The following OCLN variants were observed in gnomAD, a reference collection of about 807,000 sequenced individuals.
The protein encoded by OCLN is phosphatase 1, regulatory subunit 115.
Under a neutral mutation model 47.9 loss-of-function variants are expected in OCLN, and 21 were observed. That is an observed-to-expected ratio of 0.44 (90% CI 0.31 to 0.63). The LOEUF (loss-of-function observed/expected upper bound fraction) is 0.63, where lower values mean the gene tolerates loss of function less well. Among genes scored for constraint, OCLN ranks in the 30% least tolerant of loss-of-function variants. The pLI, the probability that OCLN is intolerant of heterozygous loss-of-function variation, is 0.08. For missense variants in OCLN, 360 were observed against 571.0 expected (o/e 0.63, Z 3.77); for synonymous variants, 117 against 198.4 (o/e 0.59, Z 3.45).
At chr5:69,496,901 T>TAA (rs1378652406) in intron 1 of OCLN, among the ~76,000 whole-genome samples, 1 of 152,242 alleles carries the variant, frequency 6.6e-6, no homozygotes, top group East Asian at 1.9e-4. Context: ...CTTCTGTCCT[T>TAA]GTCACTCTCC....
At chr5:69,510,525 C>A (rs1768750407) in intron 3 of OCLN, among the ~76,000 whole-genome samples, 1 of 151,520 alleles carries the variant, frequency 6.6e-6, no homozygotes, top group South Asian at 2.1e-4. Context: ...ACTAAAAATA[C>A]AAAAAAAATT....
chr5:69,530,488 C>G (rs1270801284), intron 4 of OCLN: 1 of 151,980 alleles, frequency 6.6e-6, no homozygotes, highest in Non-Finnish European at 1.5e-5. Flanking sequence ...AATATTTTAG[C>G]CTTTTTTCAG....
Position 69,554,455 on chromosome 5 carries a change from A to G in OCLN, c.*784A>G, listed in dbSNP as rs1316868974. ...AAAACCAACTAGAACTTTTCATTAT[A>G]TCAGAATATCTGATTACATTTATAA... On this transcript the variant is annotated 3_prime_UTR_variant, in exon 9 of 9. Transcript: ENST00000396442. The G allele has an allele frequency of 6.6e-6, 1 of 152,108 alleles. No homozygotes were observed. The highest frequency in any genetic ancestry group is 1.5e-5 in the Non-Finnish European group (1 of 68,024). The allele number at this position is 152,108 out of a possible 1,614,324, so 9.4% of individuals were successfully genotyped here.
At chr5:69,526,369 A>T (rs1488321626) in intron 4 of OCLN, among the ~76,000 whole-genome samples, 1 of 152,244 alleles carries the variant, frequency 6.6e-6, no homozygotes, top group Non-Finnish European at 1.5e-5. Context: ...GGGGATCTGG[A>T]ACTGCAGATG....
chr5:69,498,214 C>T (rs184770629), intron 1 of OCLN, among the ~76,000 whole-genome samples: 91 of 152,260 alleles, frequency 6.0e-4, no homozygotes, highest in African/African-American at 2.2e-3. Context: ...CAGTTTATGG[C>T]TGGGCATGGT....
At chr5:69,509,111 A>G (rs202196960) in intron 2 of OCLN, 30 bp from the exon 3 acceptor site, 8 of 1,594,548 alleles carry the variant, frequency 5.0e-6, no homozygotes, top group Middle Eastern at 3.3e-4. Context: ...AAAAAATGCT[A>G]ACTTGAAATT....
At chr5:69,494,472 C>T (rs1768236303) in intron 1 of OCLN, among the ~76,000 whole-genome samples, 1 of 152,236 alleles carries the variant, frequency 6.6e-6, no homozygotes, top group African/African-American at 2.4e-5. Context: ...AGGCGTAAGC[C>T]ACCACACCCA....
intron 5 of OCLN, among the ~76,000 whole-genome samples, chr5:69,535,852 C>G (rs184083540): frequency 6.6e-6 from 1 of 152,116 alleles, no homozygotes; most frequent in Non-Finnish European, 1.5e-5. Flanking sequence ...TTGGCGGGGG[C>G]GGTGGCTCAC....
At chr5:69,508,745 C>A (rs1026243008) in intron 2 of OCLN, among the ~76,000 whole-genome samples, 5 of 152,154 alleles carry the variant, frequency 3.3e-5, no homozygotes, top group African/African-American at 1.2e-4. Flanking sequence ...ATTACAGTTA[C>A]CCATTCCACT....
chr5:69,512,595 G>A (rs189827182), intron 3 of OCLN, among the ~76,000 whole-genome samples: 196 of 152,286 alleles, frequency 1.3e-3, no homozygotes, highest in Admixed American at 4.9e-3. Flanking sequence ...ATGCCAGCTA[G>A]GATTTTGAAG....
chr5:69,519,602 T>G (rs1358217614), intron 4 of OCLN, among the ~76,000 whole-genome samples: 2 of 152,250 alleles, frequency 1.3e-5, no homozygotes, highest in Non-Finnish European at 2.9e-5. Context: ...AAGATTTGTT[T>G]AATTAAACTT....
intron 1 of OCLN, among the ~76,000 whole-genome samples, chr5:69,498,343 A>G (rs1768360737): frequency 6.6e-6 from 1 of 151,928 alleles, no homozygotes; most frequent in Non-Finnish European, 1.5e-5. Context: ...AAAATGCAAA[A>G]ATTAGCCTGG....
chr5:69,534,946 C>G, intron 5 of OCLN, 107 bp downstream of exon 5: 1 of 1,062,448 alleles, frequency 9.4e-7, no homozygotes, highest in South Asian at 1.3e-5. Context: ...GCAGTGCACA[C>G]AAAAGCTGGA....
intron 2 of OCLN, among the ~76,000 whole-genome samples, chr5:69,508,564 C>T (rs1230477752): frequency 6.6e-6 from 1 of 152,132 alleles, no homozygotes; most frequent in Non-Finnish European, 1.5e-5. Flanking sequence ...TGGTCTTGAA[C>T]CCCTGACCTC....
intron 8 of OCLN, among the ~76,000 whole-genome samples, chr5:69,552,480 CAA>C (rs1412957084): frequency 6.0e-5 from 3 of 50,130 alleles, no homozygotes; most frequent in Admixed American, 4.0e-4. Flanking sequence ...GGATTACAGG[CAA>C]GCACCACCAC....
At chr5:69,547,179 T>A (rs1375810796) in intron 6 of OCLN, among the ~76,000 whole-genome samples, 1 of 151,326 alleles carries the variant, frequency 6.6e-6, no homozygotes, top group East Asian at 1.9e-4. Flanking sequence ...TAAACCAGTC[T>A]GAAAACTATG....
chr5:69,523,308 A>T (rs972663828), intron 4 of OCLN, among the ~76,000 whole-genome samples: 1 of 152,066 alleles, frequency 6.6e-6, no homozygotes, highest in Admixed American at 6.6e-5. Flanking sequence ...GGCCAGCATA[A>T]TTGTGTAAAA....
In OCLN at chr5:69,554,567, A is replaced by C. The variant is rs1016926994; in HGVS notation, c.*896A>C. On this transcript the variant is annotated 3_prime_UTR_variant, in exon 9 of 9. Coordinates refer to ENST00000396442, the MANE Select transcript of OCLN (RefSeq NM_001205254.2). ...GTATTAAACCTGGTGTTTTCTTTCC[A>C]TAATAACCTGTTTGATGTTATTAGT... The C allele has an allele frequency of 2.6e-5, 4 of 151,932 alleles. No individual in the cohort carries two copies. Among genetic ancestry groups the C allele is most frequent in the Admixed American group, 2.0e-4 (3 of 15,252 alleles). 9.4% of individuals were successfully genotyped at this position (151,932 alleles called of 1,614,324 possible). A position where few individuals can be genotyped will look rare whatever the true frequency, so the allele number is the denominator to read the frequency against.
intron 1 of OCLN, among the ~76,000 whole-genome samples, chr5:69,500,699 T>C (rs1178580197): frequency 1.3e-5 from 2 of 151,926 alleles, no homozygotes; most frequent in Admixed American, 1.3e-4. Flanking sequence ...CATGATTTGG[T>C]TCACAATTTA....
Sources: gnomAD v4.1 joint callset for allele counts (sites outside exome capture counted in the v4.1 genomes callset) on GRCh38, gnomAD v4.1.1 for gene constraint, MANE v1.5 for transcripts, NCBI Gene and HGNC (gene_info 2026-07-23, HGNC 2026-07-21) for gene names.